Variants in DGKB observed in about 807,000 individuals in gnomAD.
The protein encoded by DGKB is 90 kDa diacylglycerol kinase.
Under a neutral mutation model 114.3 loss-of-function variants are expected in DGKB, and 67 were observed. That is an observed-to-expected ratio of 0.59 (90% CI 0.48 to 0.72). The LOEUF (loss-of-function observed/expected upper bound fraction) is 0.72, where lower values mean the gene tolerates loss of function less well. Among genes scored for constraint, DGKB ranks in the 30% least tolerant of loss-of-function variants. The pLI is 0.00. For missense variants in DGKB, 907 were observed against 975.2 expected, an observed-to-expected ratio of 0.93 and a Z score of 0.93; for synonymous variants, 398 against 323.1, an observed-to-expected ratio of 1.23 and a Z score of -2.49.
chr7:14,624,933 G>A (rs921890030), intron 14 of DGKB, among the ~76,000 whole-genome samples: 1 of 151,952 alleles, frequency 6.6e-6, no homozygotes, highest in Non-Finnish European at 1.5e-5. Context: ...TGGGGATGGA[G>A]GTTGCAGTGA....
intron 23 of DGKB, among the ~76,000 whole-genome samples, chr7:14,310,852 G>A (rs1313688653): frequency 6.6e-6 from 1 of 152,140 alleles, no homozygotes; most frequent in African/African-American, 2.4e-5. Context: ...CTCAAATTAG[G>A]CCAGGTACGG....
chr7:14,824,763 T>C (rs887395136), intron 2 of DGKB, among the ~76,000 whole-genome samples: 4 of 151,770 alleles, frequency 2.6e-5, no homozygotes, highest in African/African-American at 7.2e-5. Flanking sequence ...AGTCTTTGTC[T>C]TTCAAGATCA....
intron 12 of DGKB, among the ~76,000 whole-genome samples, chr7:14,677,273 A>ATAAG (rs1820034747): frequency 6.6e-6 from 1 of 151,998 alleles, no homozygotes; most frequent in Non-Finnish European, 1.5e-5. Flanking sequence ...AAAATGGAAA[A>ATAAG]TAAGTGTTCA....
At chr7:14,300,444 C>A (rs1803331784) in intron 23 of DGKB, among the ~76,000 whole-genome samples, 1 of 152,074 alleles carries the variant, frequency 6.6e-6, no homozygotes. Flanking sequence ...TTGATACATA[C>A]AATGATATTG....
At chr7:14,961,440 A>C (rs1053923031) in intron 1 of DGKB, among the ~76,000 whole-genome samples, 1 of 152,084 alleles carries the variant, frequency 6.6e-6, no homozygotes, top group African/African-American at 2.4e-5. Flanking sequence ...TAAGTTGATT[A>C]AAGTGCACTC....
At chr7:14,744,865 C>T (rs959683576) in intron 4 of DGKB, among the ~76,000 whole-genome samples, 1 of 152,052 alleles carries the variant, frequency 6.6e-6, no homozygotes, top group Non-Finnish European at 1.5e-5. Context: ...TTTACATTAA[C>T]CCTCTTATTC....
chr7:14,414,730 G>A (rs11761424), intron 21 of DGKB, among the ~76,000 whole-genome samples: 49,075 of 151,874 alleles, frequency 0.32, 8,589 homozygotes, highest in East Asian at 0.48. Context: ...GTGTAAGTGA[G>A]AATAAAAGCT....
chr7:14,562,619 G>A (rs1796831608), intron 20 of DGKB, among the ~76,000 whole-genome samples: 1 of 152,132 alleles, frequency 6.6e-6, no homozygotes, highest in Non-Finnish European at 1.5e-5. Flanking sequence ...AGATCATTTT[G>A]GAACTCGAAG....
At chr7:14,875,749 C>T (rs1853183303) in intron 1 of DGKB, among the ~76,000 whole-genome samples, 1 of 152,028 alleles carries the variant, frequency 6.6e-6, no homozygotes, top group African/African-American at 2.4e-5. Flanking sequence ...CCACATGTGG[C>T]CCAGGACAGT....
intron 20 of DGKB, among the ~76,000 whole-genome samples, chr7:14,516,194 A>C (rs1788765623): frequency 6.6e-6 from 1 of 152,218 alleles, no homozygotes. Flanking sequence ...TAAACTAAAC[A>C]ATGTATTACT....
At chr7:14,530,617 A>G (rs1791425469) in intron 20 of DGKB, among the ~76,000 whole-genome samples, 1 of 151,522 alleles carries the variant, frequency 6.6e-6, no homozygotes, top group African/African-American at 2.4e-5. Flanking sequence ...CCATGAAAAT[A>G]CAGATGAGAT....
intron 23 of DGKB, among the ~76,000 whole-genome samples, chr7:14,313,514 A>C (rs1305888505): frequency 2.0e-5 from 3 of 152,094 alleles, no homozygotes; most frequent in African/African-American, 7.3e-5. Flanking sequence ...GGGGTGACGG[A>C]CGGCACCTGG....
intron 25 of DGKB, among the ~76,000 whole-genome samples, chr7:14,156,979 T>C (rs1783116436): frequency 6.6e-6 from 1 of 152,248 alleles, no homozygotes; most frequent in South Asian, 2.1e-4. Context: ...AATATTATGG[T>C]TCTTCAAACA....
At chr7:14,835,878 C>G (rs908394660) in intron 2 of DGKB, among the ~76,000 whole-genome samples, 3 of 152,192 alleles carry the variant, frequency 2.0e-5, no homozygotes, top group African/African-American at 7.2e-5. Context: ...GGTCCAGCTA[C>G]TCTGCCATAA....
At chr7:14,369,018 C>A (rs1817178251) in intron 21 of DGKB, among the ~76,000 whole-genome samples, 1 of 152,088 alleles carries the variant, frequency 6.6e-6, no homozygotes. Context: ...GTTTGCTGCA[C>A]TCATCAACCC....
chr7:14,374,631 A>C (rs1231407826), intron 21 of DGKB, among the ~76,000 whole-genome samples: 1 of 152,200 alleles, frequency 6.6e-6, no homozygotes, highest in Non-Finnish European at 1.5e-5. Flanking sequence ...TGCCTGTCTT[A>C]ACAACCCTTT....
rs544067509 is a variant in DGKB at position 14,200,477 on chromosome 7, G to A, written c.2123-22326C>T. ...GTCCTCATTTTTACACAGGTGTTAT[G>A]AATTTCTAATTGTCTCTTTTTGTTT... On this transcript the variant is annotated intron_variant, in intron 23 of 25. Transcript: ENST00000402815. 1.2e-3 allele frequency among the ~76,000 whole-genome samples: 189 copies of A among 152,136 alleles called. 1 individual carries two copies. Among genetic ancestry groups the A allele is most frequent in the Non-Finnish European group, 2.4e-3 (162 of 67,962 alleles).
At chr7:14,905,244 GTT>G (rs55752603), upstream of DGKB, among the ~76,000 whole-genome samples, 31,782 of 139,162 alleles carry the variant, frequency 0.23, 5,853 homozygotes, top group East Asian at 0.75. Flanking sequence ...CATCTTGTTA[GTT>G]TTTTTTTTTT....
intron 20 of DGKB, among the ~76,000 whole-genome samples, chr7:14,520,188 A>G (rs1789518262): frequency 7.1e-6 from 1 of 141,558 alleles, no homozygotes. Context: ...TATTAGTATT[A>G]TTGACTTTTA....
Sources: gnomAD v4.1 joint callset for allele counts (sites outside exome capture counted in the v4.1 genomes callset) on GRCh38, gnomAD v4.1.1 for gene constraint, MANE v1.5 for transcripts, NCBI Gene and HGNC (gene_info 2026-07-23, HGNC 2026-07-21) for gene names.